The following SLC20A2 variants were observed in gnomAD, a reference collection of about 807,000 sequenced individuals.
SLC20A2 encodes sodium-dependent phosphate transporter 2.
In SLC20A2, 30 loss-of-function variants were observed where a neutral mutation model predicts 61.0. The observed-to-expected ratio is 0.49, with a 90% confidence interval of 0.37 to 0.67. SLC20A2 has a LOEUF of 0.67. Among genes scored for constraint, SLC20A2 ranks in the 30% least tolerant of loss-of-function variants. The pLI is 0.00. For synonymous variants in SLC20A2, 351 were observed against 353.3 expected (o/e 0.99, Z 0.07); for missense variants, 626 against 866.4 (o/e 0.72, Z 3.48).
chr8:42,523,126 T>A (rs1326431305), intron 1 of SLC20A2, among the ~76,000 whole-genome samples: 1 of 151,654 alleles, frequency 6.6e-6, no homozygotes, highest in Non-Finnish European at 1.5e-5. Flanking sequence ...AGGTCAGGAG[T>A]TCGAGACCAG....
chr8:42,488,770 T>C (rs535643717), intron 1 of SLC20A2, among the ~76,000 whole-genome samples: 7 of 152,260 alleles, frequency 4.6e-5, no homozygotes, highest in Admixed American at 6.5e-5. Context: ...TGGTAGCTCA[T>C]TGTGGTATGA....
In SLC20A2 at chr8:42,460,002, G is replaced by A. The variant is rs1433486209; in HGVS notation, c.517-10C>T. The A allele has an allele frequency of 5.3e-6, 8 of 1,503,644 alleles. No homozygotes were observed. Among genetic ancestry groups the A allele is most frequent in the Non-Finnish European group, 7.4e-6 (8 of 1,080,568 alleles). The allele number at this position is 1,503,644 out of a possible 1,614,324, so 93.1% of individuals were successfully genotyped here. On this transcript the variant is annotated splice_polypyrimidine_tract_variant and intron_variant, in intron 4 of 10. Transcript: ENST00000520262. Reference sequence around the variant, plus strand: ...TGGGAACAGGGTCTTCCTGTAGGAAGACAAGGAGACAGAGTGGAAGGTCAG... The same window carrying A: ...TGGGAACAGGGTCTTCCTGTAGGAAAACAAGGAGACAGAGTGGAAGGTCAG...
At chr8:42,531,334 A>C (rs1156765222) in intron 1 of SLC20A2, among the ~76,000 whole-genome samples, 2 of 152,088 alleles carry the variant, frequency 1.3e-5, no homozygotes, top group East Asian at 1.9e-4. Context: ...ATACCCAAAC[A>C]ACCACCCTCA....
At chr8:42,522,878 T>A (rs984930734) in intron 1 of SLC20A2, among the ~76,000 whole-genome samples, 42 of 89,640 alleles carry the variant, frequency 4.7e-4, no homozygotes, top group African/African-American at 2.0e-3. Flanking sequence ...CTAATAATAA[T>A]AAAAAAAAAA....
At chr8:42,527,636 C>T (rs932364324) in intron 1 of SLC20A2, among the ~76,000 whole-genome samples, 6 of 151,668 alleles carry the variant, frequency 4.0e-5, no homozygotes, top group East Asian at 3.9e-4. Context: ...GGCGTGGTGG[C>T]GCATGCCTGT....
chr8:42,526,735 GTAATAA>G (rs1218598958), intron 1 of SLC20A2, among the ~76,000 whole-genome samples: 2 of 151,568 alleles, frequency 1.3e-5, no homozygotes, highest in Non-Finnish European at 2.9e-5. Flanking sequence ...TGAAATTTTG[GTAATAA>G]TAATAATAAT....
chr8:42,496,840 G>A, intron 1 of SLC20A2, among the ~76,000 whole-genome samples: 1 of 152,152 alleles, frequency 6.6e-6, no homozygotes, highest in Non-Finnish European at 1.5e-5. Context: ...TGTGAAGACA[G>A]GGACGGACCA....
intron 1 of SLC20A2, among the ~76,000 whole-genome samples, chr8:42,499,055 T>C (rs1810144608): frequency 6.6e-6 from 1 of 152,142 alleles, no homozygotes; most frequent in African/African-American, 2.4e-5. Flanking sequence ...TTTTAAGACG[T>C]GGAGGAGTAG....
At chr8:42,476,643 C>T (rs1808131532) in intron 1 of SLC20A2, among the ~76,000 whole-genome samples, 1 of 152,194 alleles carries the variant, frequency 6.6e-6, no homozygotes, top group Non-Finnish European at 1.5e-5. Flanking sequence ...GAGATCCCCT[C>T]TCCTACTTAA....
chr8:42,458,940 A>AACCCCCC (rs1806442839), intron 5 of SLC20A2, among the ~76,000 whole-genome samples: 1 of 104,090 alleles, frequency 9.6e-6, no homozygotes, highest in South Asian at 3.6e-4. Context: ...ATAATTTTTA[A>AACCCCCC]CCCCCCCCCC....
intron 1 of SLC20A2, among the ~76,000 whole-genome samples, chr8:42,517,368 C>CAAAA (rs34660785): frequency 8.7e-5 from 11 of 126,428 alleles, no homozygotes; most frequent in Admixed American, 1.6e-4. Context: ...GATCCTGTCT[C>CAAAA]AAAAAAAAAA....
intron 1 of SLC20A2, among the ~76,000 whole-genome samples, chr8:42,510,799 G>A (rs1471889455): frequency 6.6e-6 from 1 of 151,890 alleles, no homozygotes; most frequent in Non-Finnish European, 1.5e-5. Flanking sequence ...TTCTAGGAAT[G>A]TTGCAAAAAT....
At chr8:42,494,642 C>T (rs988109665) in intron 1 of SLC20A2, among the ~76,000 whole-genome samples, 2 of 152,116 alleles carry the variant, frequency 1.3e-5, no homozygotes, top group Non-Finnish European at 2.9e-5. Context: ...CAAATGGCTG[C>T]GTAGTGTTCT....
At chr8:42,426,393 G>GT (rs1363249515) in intron 10 of SLC20A2, among the ~76,000 whole-genome samples, 2 of 152,114 alleles carry the variant, frequency 1.3e-5, no homozygotes, top group East Asian at 3.9e-4. Flanking sequence ...AACCTGTGCT[G>GT]TTTTTTCAAA....
In SLC20A2 at chr8:42,454,954, G is replaced by A. The variant is rs993451804; in HGVS notation, c.613+4942C>T. On this transcript the variant is annotated intron_variant, in intron 5 of 10. Coordinates refer to ENST00000520262, the MANE Select transcript of SLC20A2 (RefSeq NM_001257180.2). ...AATATGTACAAAAATAGCTGGGCGC[G>A]GTGGCTCACACCTATAATCCCAGCA... Among the ~76,000 whole-genome samples the A allele has an allele frequency of 6.6e-5, 10 of 151,954 alleles. No homozygotes were observed. The South Asian group carries it at 1.5e-3, about 22-fold the overall frequency.
intron 1 of SLC20A2, among the ~76,000 whole-genome samples, chr8:42,508,245 G>A (rs2131367387): frequency 6.6e-6 from 1 of 152,344 alleles, no homozygotes; most frequent in African/African-American, 2.4e-5. Flanking sequence ...TTGGGAGGCT[G>A]AGGTGGGAAG....
chr8:42,458,550 G>A (rs1236288539), intron 5 of SLC20A2, among the ~76,000 whole-genome samples: 1 of 150,998 alleles, frequency 6.6e-6, no homozygotes, highest in Non-Finnish European at 1.5e-5. Flanking sequence ...TTGGGCCCAT[G>A]AGGTCAAGGC....
upstream of SLC20A2, among the ~76,000 whole-genome samples, chr8:42,505,671 G>A (rs1328303738): frequency 6.6e-6 from 1 of 152,094 alleles, no homozygotes; most frequent in East Asian, 1.9e-4. Context: ...GTTGAGGCAG[G>A]AGGATCACTT....
intron 1 of SLC20A2, among the ~76,000 whole-genome samples, chr8:42,523,369 A>C (rs1811719315): frequency 6.6e-6 from 1 of 152,118 alleles, no homozygotes; most frequent in Non-Finnish European, 1.5e-5. Context: ...TAAATAAATA[A>C]ATTGCATATT....
Sources: allele counts gnomAD v4.1 joint callset (sites outside exome capture counted in the v4.1 genomes callset), GRCh38; gene constraint gnomAD v4.1.1; transcripts MANE v1.5; gene names NCBI Gene and HGNC (gene_info 2026-07-23, HGNC 2026-07-21).